Variants in CDYL observed in about 807,000 individuals in gnomAD.
The protein encoded by CDYL is chromodomain Y-like protein.
CDYL carries 8 observed loss-of-function variants against 47.3 expected under a neutral mutation model. The observed-to-expected ratio is 0.17, with a 90% CI of 0.10 to 0.31. CDYL has a LOEUF of 0.31. CDYL is among the 10% of genes least tolerant of loss of function. The pLI, the probability that CDYL is intolerant of heterozygous loss-of-function variation, is 1.00. For missense variants in CDYL, 471 were observed against 701.4 expected, an observed-to-expected ratio of 0.67 and a Z score of 3.71; for synonymous variants, 266 against 265.0, an observed-to-expected ratio of 1.00 and a Z score of -0.04.
chr6:4,950,519 C>T (rs1024930462), intron 5 of CDYL, among the ~76,000 whole-genome samples: 3 of 152,228 alleles, frequency 2.0e-5, no homozygotes, highest in Non-Finnish European at 4.4e-5. Flanking sequence ...TCTGCCGTGA[C>T]AAGGACTATC....
chr6:4,907,723 C>T lies in CDYL; in HGVS notation c.691+15344C>T, dbSNP rs964800603. On this transcript the variant is annotated intron_variant, in intron 2 of 6. Transcript: ENST00000397588. Reference sequence around the variant, plus strand: ...GGATGCTCAAAACTGATCGCAAAACCGGATTTCAAAATTACTATATAGTTT... The same window carrying T: ...GGATGCTCAAAACTGATCGCAAAACTGGATTTCAAAATTACTATATAGTTT... 7.2e-5 allele frequency among the ~76,000 whole-genome samples: 11 copies of T among 152,116 alleles called. No homozygotes were observed. In the East Asian group the frequency reaches 1.3e-3, roughly 19 times the overall value.
intron 1 of CDYL, among the ~76,000 whole-genome samples, chr6:4,793,666 G>T (rs1183615200): frequency 6.6e-6 from 1 of 152,200 alleles, no homozygotes; most frequent in Non-Finnish European, 1.5e-5. Context: ...CAACTAGGAG[G>T]CTGGCAGGAT....
At chr6:4,867,733 T>A (rs1761359558) in intron 1 of CDYL, among the ~76,000 whole-genome samples, 1 of 151,900 alleles carries the variant, frequency 6.6e-6, no homozygotes, top group Non-Finnish European at 1.5e-5. Context: ...TTTTCATGTC[T>A]GTGTTTATGA....
chr6:4,712,962 C>T (rs531102582), intron 1 of CDYL, among the ~76,000 whole-genome samples: 49 of 152,216 alleles, frequency 3.2e-4, no homozygotes, highest in Middle Eastern at 3.4e-3. Flanking sequence ...CTTGCCAACA[C>T]GGCAAGACCC....
In CDYL at chr6:4,741,286, C is replaced by A. The variant is rs185453237; in HGVS notation, c.186+6442C>A. Among the ~76,000 whole-genome samples the A allele has an allele frequency of 4.6e-3, 703 of 152,268 alleles. 8 individuals are homozygous for A. The Middle Eastern group carries it at 0.058, about 13-fold the overall frequency. On this transcript the variant is annotated intron_variant, in intron 3 of 8. Transcript: ENST00000328908. ...ATGTCAAATCTACACCATTAAATCA[C>A]CTTCTCCATAGTCTTAAAGTTCAAT...
At chr6:4,787,917 G>A (rs1758799521) in intron 1 of CDYL, among the ~76,000 whole-genome samples, 1 of 151,718 alleles carries the variant, frequency 6.6e-6, no homozygotes, top group African/African-American at 2.4e-5. Context: ...GACTACAGGT[G>A]TGCGCCACCA....
At chr6:4,836,961 G>A (rs1760333954) in intron 1 of CDYL, among the ~76,000 whole-genome samples, 1 of 152,146 alleles carries the variant, frequency 6.6e-6, no homozygotes, top group Admixed American at 6.5e-5. Flanking sequence ...ATGTGTGTCT[G>A]CTCCCACCTC....
intron 1 of CDYL, among the ~76,000 whole-genome samples, chr6:4,856,266 G>A (rs539396647): frequency 6.6e-6 from 1 of 152,332 alleles, no homozygotes; most frequent in South Asian, 2.1e-4. Context: ...GGGGTATGAA[G>A]AATTGGGATA....
chr6:4,842,145 A>G (rs1760516761), intron 1 of CDYL, among the ~76,000 whole-genome samples: 1 of 143,328 alleles, frequency 7.0e-6, no homozygotes, highest in Non-Finnish European at 1.5e-5. Context: ...AAATTATATT[A>G]CTTATATATT....
chr6:4,893,342 CAG>C (rs1395192270), intron 2 of CDYL, among the ~76,000 whole-genome samples: 2 of 152,224 alleles, frequency 1.3e-5, no homozygotes, highest in African/African-American at 4.8e-5. Flanking sequence ...TCCATCTGCT[CAG>C]GGGCCCCCAC....
intron 1 of CDYL, among the ~76,000 whole-genome samples, chr6:4,799,489 A>G (rs1759166493): frequency 6.6e-6 from 1 of 151,926 alleles, no homozygotes; most frequent in African/African-American, 2.4e-5. Flanking sequence ...TCACTCACCC[A>G]GGTTGGAGTG....
At chr6:4,920,893 G>A (rs1757693236) in intron 2 of CDYL, among the ~76,000 whole-genome samples, 1 of 152,208 alleles carries the variant, frequency 6.6e-6, no homozygotes, top group African/African-American at 2.4e-5. Flanking sequence ...TGGGATTAGA[G>A]GCGTCAGCCA....
intron 1 of CDYL, among the ~76,000 whole-genome samples, chr6:4,786,218 C>T (rs1191690421): frequency 6.6e-6 from 1 of 152,168 alleles, no homozygotes; most frequent in African/African-American, 2.4e-5. Context: ...CTCAAGTTAC[C>T]TTACATGTTT....
At chr6:4,793,340 G>A (rs1364218573) in intron 1 of CDYL, among the ~76,000 whole-genome samples, 1 of 152,170 alleles carries the variant, frequency 6.6e-6, no homozygotes, top group Admixed American at 6.5e-5. Context: ...GAATCGGAGT[G>A]CTAGTGGCTG....
chr6:4,891,704 T>C lies in CDYL; in HGVS notation c.25-9T>C. 1 of 1,589,044 alleles carries C rather than the reference T, an allele frequency of 6.3e-7. No homozygotes were observed. Among genetic ancestry groups the C allele is most frequent in the Non-Finnish European group, 8.6e-7 (1 of 1,168,756 alleles). ...TTTTTTAAAACTATTTTTTTCCTTT[T>C]ATGAACAGGTTGAAAGGATTGTTGA... On this transcript the variant is annotated splice_polypyrimidine_tract_variant and intron_variant, in intron 1 of 6. Coordinates refer to ENST00000397588, the MANE Select transcript of CDYL (RefSeq NM_004824.4).
At chr6:4,765,568 GT>G (rs35200907) in intron 3 of CDYL, among the ~76,000 whole-genome samples, 183 of 143,416 alleles carry the variant, frequency 1.3e-3, no homozygotes, top group South Asian at 1.5e-3. Context: ...TTTGTTTCCC[GT>G]TTTTTTTTTT....
chr6:4,795,543 G>A (rs755601331), intron 1 of CDYL, among the ~76,000 whole-genome samples: 3 of 151,914 alleles, frequency 2.0e-5, no homozygotes, highest in Admixed American at 6.6e-5. Context: ...ATTTTCCATC[G>A]AGAATTTGAT....
chr6:4,766,119 A>G (rs907726204), intron 3 of CDYL, among the ~76,000 whole-genome samples: 2 of 152,226 alleles, frequency 1.3e-5, no homozygotes, highest in Non-Finnish European at 2.9e-5. Context: ...AATTTTATGA[A>G]CAATTTTATG....
intron 2 of CDYL, among the ~76,000 whole-genome samples, chr6:4,905,476 T>G (rs1757207141): frequency 6.6e-6 from 1 of 152,180 alleles, no homozygotes; most frequent in Non-Finnish European, 1.5e-5. Flanking sequence ...CAGCGTCTTT[T>G]CTGAAGTGGC....
Sources: gnomAD v4.1 joint callset for allele counts (sites outside exome capture counted in the v4.1 genomes callset) on GRCh38, gnomAD v4.1.1 for gene constraint, MANE v1.5 for transcripts, NCBI Gene and HGNC (gene_info 2026-07-23, HGNC 2026-07-21) for gene names.